The following KCTD1 variants were observed in gnomAD, a reference collection of about 807,000 sequenced individuals.
The protein encoded by KCTD1 is BTB/POZ domain-containing protein KCTD1.
A neutral mutation model predicts 66.0 loss-of-function variants in KCTD1; 24 were observed. The observed-to-expected ratio is 0.36, with a 90% CI of 0.26 to 0.51. The LOEUF (loss-of-function observed/expected upper bound fraction) is 0.51, where lower values mean the gene tolerates loss of function less well. Among genes scored for constraint, KCTD1 ranks in the 20% least tolerant of loss-of-function variants. KCTD1 has a pLI of 0.95. For missense variants in KCTD1, 943 were observed against 1,205.2 expected, an observed-to-expected ratio of 0.78 and a Z score of 3.22; for synonymous variants, 511 against 517.2, an observed-to-expected ratio of 0.99 and a Z score of 0.16.
chr18:26,546,011 T>C (rs996011670), intron 1 of KCTD1, among the ~76,000 whole-genome samples: 1 of 152,074 alleles, frequency 6.6e-6, no homozygotes, highest in Non-Finnish European at 1.5e-5. Context: ...GTGAGCTCCG[T>C]GGGGCTAGGG....
chr18:26,589,702 A>G (rs1173769031), intron 1 of KCTD1, among the ~76,000 whole-genome samples: 3 of 152,128 alleles, frequency 2.0e-5, no homozygotes, highest in Admixed American at 2.0e-4. Context: ...TGCATCAAGG[A>G]AGGTTAGACC....
In KCTD1 at chr18:26,548,185, C is replaced by G. The variant is rs1484333343; in HGVS notation, c.352G>C (p.Glu118Gln). 4.0e-6 allele frequency: 6 copies of G among 1,497,910 alleles called. No homozygotes were observed. The Admixed American group carries it at 1.0e-4, about 26-fold the overall frequency. The allele number at this position is 1,497,910 out of a possible 1,614,324, so 92.8% of individuals were successfully genotyped here. Residue 118 changes from glutamate (E) to glutamine (Q), a missense_variant, in exon 1 of 5, where the codon GAG becomes CAG. This residue lies in a region of KCTD1 where 236 missense variants were observed against 206.6 expected (regional missense o/e 1.14). Coordinates refer to ENST00000580059, the MANE Select transcript of KCTD1 (RefSeq NM_001142730.3). ...EDSAGEELEP[E>Q]PVHMINMDQS... ...TCCATATTGATCATATGGACCGGCT[C>G]GGGCTCCAGCTCCTCCCCGGCCGAG...
In KCTD1 at chr18:26,455,905, C is replaced by A; in HGVS notation, c.2440-4G>T. 1 of 1,612,410 alleles carries A rather than the reference C, an allele frequency of 6.2e-7. No homozygotes were observed. The highest frequency in any genetic ancestry group is 2.2e-5 in the East Asian group (1 of 44,832). ...TTTGCTGCAACCTCTCGAGGACCTG[C>A]GAGGGAACAAGACAAGCATCCAGTT... On this transcript the variant is annotated splice_region_variant and splice_polypyrimidine_tract_variant and intron_variant, in intron 4 of 4. Transcript: ENST00000580059.
At chr18:26,471,819 A>T (rs1981078582) in intron 3 of KCTD1, among the ~76,000 whole-genome samples, 1 of 152,194 alleles carries the variant, frequency 6.6e-6, no homozygotes. Flanking sequence ...CATAGTTTCA[A>T]TGCAGAGAAC....
chr18:26,555,084 G>A (rs1441103542), intron 1 of KCTD1, among the ~76,000 whole-genome samples: 1 of 152,152 alleles, frequency 6.6e-6, no homozygotes, highest in Non-Finnish European at 1.5e-5. Flanking sequence ...TGGAAAAGGA[G>A]ATAAAGGTAT....
At chr18:26,618,466 G>A (rs569477124) in intron 1 of KCTD1, among the ~76,000 whole-genome samples, 2 of 152,238 alleles carry the variant, frequency 1.3e-5, no homozygotes, top group Middle Eastern at 3.4e-3. Context: ...TCAGAGAACC[G>A]CAAATCAAGG....
In KCTD1 at chr18:26,454,914, A is replaced by AAAAAG. The variant is rs1979965315; in HGVS notation, c.*824_*828dup. The AAAAAG allele has an allele frequency of 6.6e-6, 1 of 152,642 alleles. No homozygotes were observed. Among genetic ancestry groups the AAAAAG allele is most frequent in the African/African-American group, 2.4e-5 (1 of 41,458 alleles). 9.5% of individuals were successfully genotyped at this position (152,642 alleles called of 1,614,324 possible). ...TTTGATGCTCAACACGGACAATTTC[A>AAAAAG]AAAAGAAAAAATTTCACTTTAATCC... On this transcript the variant is annotated 3_prime_UTR_variant, in exon 5 of 5. Coordinates refer to ENST00000580059, the MANE Select transcript of KCTD1 (RefSeq NM_001142730.3).
At chr18:26,528,353 G>A (rs753014923) in intron 1 of KCTD1, among the ~76,000 whole-genome samples, 2 of 152,112 alleles carry the variant, frequency 1.3e-5, no homozygotes, top group African/African-American at 2.4e-5. Context: ...ACAGCTGAAC[G>A]TGGGTCAATC....
At chr18:26,531,049 A>G (rs886094215) in intron 1 of KCTD1, among the ~76,000 whole-genome samples, 1 of 152,252 alleles carries the variant, frequency 6.6e-6, no homozygotes, top group Non-Finnish European at 1.5e-5. Flanking sequence ...AACACAGGCC[A>G]TGTCCCTGCC....
At position 26,548,181 on chromosome 18, in the gene KCTD1, G is replaced by C; in HGVS notation, c.356C>G (p.Pro119Arg). 1.3e-6 allele frequency: 2 copies of C among 1,495,334 alleles called. No homozygotes were observed. Among genetic ancestry groups the C allele is most frequent in the Non-Finnish European group, 1.8e-6 (2 of 1,125,214 alleles). The allele number at this position is 1,495,334 out of a possible 1,614,324, so 92.6% of individuals were successfully genotyped here. Residue 119 changes from proline to arginine, a missense_variant, in exon 1 of 5, where the codon CCG becomes CGG. Pro to Arg is a moderately radical substitution (Grantham distance 103). This residue lies in a region of KCTD1 where 236 missense variants were observed against 206.6 expected (regional missense o/e 1.14). Coordinates refer to ENST00000580059, the MANE Select transcript of KCTD1 (RefSeq NM_001142730.3). Reference protein sequence around the residue: ...DSAGEELEPEPVHMINMDQSA... With the variant: ...DSAGEELEPERVHMINMDQSA... ...CTGGTCCATATTGATCATATGGACC[G>C]GCTCGGGCTCCAGCTCCTCCCCGGC...
Position 26,495,105 on chromosome 18 carries a change from A to AT in KCTD1, c.1988+5966dup, listed in dbSNP as rs57353421. Among the ~76,000 whole-genome samples, 1,032 of 148,184 alleles carry AT rather than the reference A, an allele frequency of 7.0e-3. 13 individuals are homozygous for AT. The highest frequency in any genetic ancestry group is 0.022 in the African/African-American group (902 of 40,644). ...CAAGTGTAGTGAATAAATTGAATGC[A>AT]TTTTTTTTTTTGGCATTTCTGTTGA... is the stretch of plus-strand genomic sequence containing the variant. On this transcript the variant is annotated intron_variant, in intron 2 of 4. Transcript: ENST00000580059.
intron 1 of KCTD1, among the ~76,000 whole-genome samples, chr18:26,608,744 G>A (rs1037926914): frequency 4.6e-5 from 7 of 152,160 alleles, no homozygotes; most frequent in Non-Finnish European, 7.3e-5. Flanking sequence ...ATTGAACACA[G>A]TATATTTGAT....
At chr18:26,569,106 G>C (rs1422741377) in intron 1 of KCTD1, among the ~76,000 whole-genome samples, 1 of 152,176 alleles carries the variant, frequency 6.6e-6, no homozygotes, top group Non-Finnish European at 1.5e-5. Context: ...TTTGTATGGT[G>C]TGTTAGAGGT....
At chr18:26,649,218 C>T (rs1239375380) in intron 1 of KCTD1, among the ~76,000 whole-genome samples, 1 of 152,210 alleles carries the variant, frequency 6.6e-6, no homozygotes, top group East Asian at 1.9e-4. Flanking sequence ...ACTAGTATTC[C>T]TGATCACTTT....
At chr18:26,608,064 C>A (rs1598964613) in intron 1 of KCTD1, among the ~76,000 whole-genome samples, 1 of 152,202 alleles carries the variant, frequency 6.6e-6, no homozygotes, top group East Asian at 1.9e-4. Context: ...AGCCACTGCA[C>A]CTGGTCTCAA....
intron 3 of KCTD1, among the ~76,000 whole-genome samples, chr18:26,465,147 G>C (rs1051182549): frequency 3.3e-5 from 5 of 152,104 alleles, no homozygotes; most frequent in African/African-American, 1.2e-4. Context: ...GCAATGGCAT[G>C]ATCTTAGCTC....
At chr18:26,654,503 C>G (rs1988092349) in intron 1 of KCTD1, among the ~76,000 whole-genome samples, 1 of 152,028 alleles carries the variant, frequency 6.6e-6, no homozygotes, top group African/African-American at 2.4e-5. Flanking sequence ...CAAGCCCTGG[C>G]AAAGAATTAC....
chr18:26,478,778 T>C (rs1981478195), intron 2 of KCTD1, among the ~76,000 whole-genome samples: 1 of 152,212 alleles, frequency 6.6e-6, no homozygotes, highest in African/African-American at 2.4e-5. Context: ...AAATTAAGTC[T>C]CACTTTGTTT....
intron 1 of KCTD1, among the ~76,000 whole-genome samples, chr18:26,656,899 A>C (rs971533352): frequency 2.8e-4 from 1 of 3,552 alleles, no homozygotes; most frequent in Non-Finnish European, 5.5e-4. Flanking sequence ...GGGAGGAGGG[A>C]GGGGCTCGGG....
Sources: gnomAD v4.1 joint callset for allele counts (sites outside exome capture counted in the v4.1 genomes callset) on GRCh38, gnomAD v4.1.1 for gene constraint, gnomAD v4.1.1 regional missense constraint, MANE v1.5 for transcripts, NCBI Gene and HGNC (gene_info 2026-07-23, HGNC 2026-07-21) for gene names.